The following SH3GL1 variants were observed in gnomAD, a reference collection of about 807,000 sequenced individuals.
SH3GL1 encodes the protein SH3 domain containing GRB2 like 1, endophilin A2.
In SH3GL1, 21 loss-of-function variants were observed where a neutral mutation model predicts 48.8. The ratio of observed to expected loss-of-function variants is 0.43; its 90% CI spans 0.30 to 0.62. The LOEUF is 0.62. SH3GL1 is among the 20% of genes least tolerant of loss of function. SH3GL1 has a pLI of 0.11. For synonymous variants in SH3GL1, 282 were observed against 217.5 expected (o/e 1.30, Z -2.61); for missense variants, 454 against 503.0 (o/e 0.90, Z 0.93).
chr19:4,361,495 AG>A lies in SH3GL1; in HGVS notation c.*104del. On this transcript the variant is annotated 3_prime_UTR_variant, in exon 10 of 10. Transcript: ENST00000269886. ...GGGCCGGGGCCCAGGTGGCGCCGGC[AG>A]GCTCAGACACCGCCCTGGCAGCAGG... The A allele has an allele frequency of 1.1e-6, 1 of 870,418 alleles. No homozygotes were observed. Among genetic ancestry groups the A allele is most frequent in the South Asian group, 1.6e-5 (1 of 61,554 alleles). The allele number at this position is 870,418 out of a possible 1,614,324, so 53.9% of individuals were successfully genotyped here.
At position 4,400,360 on chromosome 19, in the gene SH3GL1, C is replaced by T. The variant is rs1973501261; in HGVS notation, c.9G>A (p.Val3=). MS[V]AGLKKQFYKA... ...TGTAGAACTGCTTCTTCAGCCCCGCCACCGACATGCTGCCGCCCGCCGCCG... is the reference window on the plus strand; with the variant it reads ...TGTAGAACTGCTTCTTCAGCCCCGCTACCGACATGCTGCCGCCCGCCGCCG... Residue 3 remains valine, a synonymous_variant, in exon 1 of 10, where the codon GTG becomes GTA. Coordinates refer to ENST00000269886, the MANE Select transcript of SH3GL1 (RefSeq NM_003025.4). This position sits in a 1 kb window ranked among gnomAD's most constrained non-coding sequence, Gnocchi z 4.1. 2 of 1,590,856 alleles carry T rather than the reference C, an allele frequency of 1.3e-6. No homozygotes were observed. The highest frequency in any genetic ancestry group is 1.4e-5 in the African/African-American group (1 of 71,626).
chr19:4,374,463 C>T (rs772717733), intron 1 of SH3GL1, among the ~76,000 whole-genome samples: 2 of 152,262 alleles, frequency 1.3e-5, no homozygotes, highest in Non-Finnish European at 2.9e-5. Flanking sequence ...GTCCAGCCCA[C>T]ACTGCCTTTC....
At chr19:4,378,577 T>C (rs1425392256) in intron 1 of SH3GL1, among the ~76,000 whole-genome samples, 1 of 152,066 alleles carries the variant, frequency 6.6e-6, no homozygotes, top group African/African-American at 2.4e-5. Flanking sequence ...TAGCTGGGCA[T>C]GGTGGTGCAT....
intron 1 of SH3GL1, among the ~76,000 whole-genome samples, chr19:4,387,900 G>A (rs996623403): frequency 1.1e-4 from 16 of 151,750 alleles, no homozygotes; most frequent in East Asian, 7.8e-4. Context: ...TCGCTCTGTC[G>A]CCAGGCTGGA....
At chr19:4,396,489 CT>C (rs979250907) in intron 1 of SH3GL1, among the ~76,000 whole-genome samples, 243 of 146,370 alleles carry the variant, frequency 1.7e-3, no homozygotes, top group East Asian at 9.3e-3. Flanking sequence ...TTATATTTTA[CT>C]TTTTTTTTTT....
At chr19:4,365,050 T>G (rs372572489) in intron 4 of SH3GL1, among the ~76,000 whole-genome samples, 1 of 151,912 alleles carries the variant, frequency 6.6e-6, no homozygotes, top group Non-Finnish European at 1.5e-5. Context: ...CCACCACACT[T>G]GGCCCCATCC....
chr19:4,394,658 C>T lies in SH3GL1; in HGVS notation c.45+5666G>A, dbSNP rs539009832. Among the ~76,000 whole-genome samples, 134 of 152,300 alleles carry T rather than the reference C, an allele frequency of 8.8e-4. 2 individuals are homozygous for T. The highest frequency in any genetic ancestry group is 1.7e-3 in the Non-Finnish European group (119 of 68,030). On this transcript the variant is annotated intron_variant, in intron 1 of 9. Coordinates refer to ENST00000269886, the MANE Select transcript of SH3GL1 (RefSeq NM_003025.4). ...CAACGAGAGATCAGAAACTCAGAACCAACAACACAGCCTCGCCTGTTAGAA... is the reference window on the plus strand; with the variant it reads ...CAACGAGAGATCAGAAACTCAGAACTAACAACACAGCCTCGCCTGTTAGAA...
chr19:4,376,311 G>C lies in SH3GL1; in HGVS notation c.46-9317C>G, dbSNP rs1973007696. ...GTCCCTGTGCAGCTGTGCCAGGTGG[G>C]CAGAGGAGACAGGTGAAGGCACATT... On this transcript the variant is annotated intron_variant, in intron 1 of 9. Coordinates refer to ENST00000269886, the MANE Select transcript of SH3GL1 (RefSeq NM_003025.4). This position sits in a 1 kb window ranked among gnomAD's most constrained non-coding sequence, Gnocchi z 4.3. Among the ~76,000 whole-genome samples, 1 of 152,198 alleles carries C rather than the reference G, an allele frequency of 6.6e-6. No individual in the cohort carries two copies. The highest frequency in any genetic ancestry group is 2.4e-5 in the African/African-American group (1 of 41,432).
chr19:4,381,410 T>C, intron 1 of SH3GL1, among the ~76,000 whole-genome samples: 1 of 103,296 alleles, frequency 9.7e-6, no homozygotes, highest in Non-Finnish European at 1.9e-5. Flanking sequence ...CCCCTACCTC[T>C]GTCTCCCCTC....
At chr19:4,399,449 GAGGAAGGAAGGAAAGA>G (rs955818663) in intron 1 of SH3GL1, among the ~76,000 whole-genome samples, 8 of 151,930 alleles carry the variant, frequency 5.3e-5, no homozygotes, top group Non-Finnish European at 1.2e-4. Context: ...AGGAGGGAGG[GAGGAAGGAAGGAAAGA>G]AGGAAGGAAG....
intron 1 of SH3GL1, among the ~76,000 whole-genome samples, chr19:4,375,879 G>A (rs1294071807): frequency 6.6e-6 from 1 of 152,246 alleles, no homozygotes; most frequent in Admixed American, 6.5e-5. Flanking sequence ...TGTTCCCACT[G>A]GGGGCAGCAT....
At chr19:4,380,657 C>T (rs58097123) in intron 1 of SH3GL1, among the ~76,000 whole-genome samples, 7,118 of 152,234 alleles carry the variant, frequency 0.047, 347 homozygotes, top group African/African-American at 0.12. Context: ...GGACAGTCGG[C>T]GGTTTTGAAC....
intron 1 of SH3GL1, among the ~76,000 whole-genome samples, chr19:4,375,735 A>T (rs1467626830): frequency 1.3e-5 from 2 of 152,236 alleles, no homozygotes; most frequent in African/African-American, 4.8e-5. Context: ...TGTGTGACAT[A>T]CAACTGGTAA....
At chr19:4,393,797 C>T (rs898699149) in intron 1 of SH3GL1, among the ~76,000 whole-genome samples, 6 of 151,414 alleles carry the variant, frequency 4.0e-5, no homozygotes, top group African/African-American at 1.5e-4. Flanking sequence ...CTCAAACAAA[C>T]AAAAAATTAA....
chr19:4,397,037 T>G (rs62129355), intron 1 of SH3GL1, among the ~76,000 whole-genome samples: 2 of 152,062 alleles, frequency 1.3e-5, no homozygotes, highest in African/African-American at 4.8e-5. Flanking sequence ...CACTACGTAA[T>G]GAGAGATCCC....
At chr19:4,381,388 CCT>C (rs1198421475) in intron 1 of SH3GL1, among the ~76,000 whole-genome samples, 9 of 128,646 alleles carry the variant, frequency 7.0e-5, no homozygotes, top group East Asian at 2.4e-4. Flanking sequence ...GTCCCCTCTG[CCT>C]CTCTCTGTCC....
intron 1 of SH3GL1, among the ~76,000 whole-genome samples, chr19:4,387,585 C>A (rs1205041425): frequency 6.6e-6 from 1 of 152,176 alleles, no homozygotes; most frequent in Non-Finnish European, 1.5e-5. Flanking sequence ...ATCACCACGT[C>A]CAGCCCGAAC....
chr19:4,381,888 T>C (rs566369552), intron 1 of SH3GL1, among the ~76,000 whole-genome samples: 66 of 151,064 alleles, frequency 4.4e-4, no homozygotes, highest in African/African-American at 1.3e-3. Context: ...AGAGACGGGG[T>C]TTCACCATGT....
At chr19:4,399,599 C>G (rs894334940) in intron 1 of SH3GL1, among the ~76,000 whole-genome samples, 3 of 152,176 alleles carry the variant, frequency 2.0e-5, no homozygotes, top group African/African-American at 7.2e-5. Context: ...GGGCGCTGCT[C>G]AGCACCCCGC....
Sources: gnomAD v4.1 joint callset for allele counts (sites outside exome capture counted in the v4.1 genomes callset) on GRCh38, gnomAD v4.1.1 for gene constraint, Gnocchi (gnomAD v3.1) non-coding constraint, MANE v1.5 for transcripts, NCBI Gene and HGNC (gene_info 2026-07-23, HGNC 2026-07-21) for gene names.